The following TM7SF3 variants were observed in gnomAD, a reference collection of about 807,000 sequenced individuals.
TM7SF3 encodes the protein transmembrane 7 superfamily member 3.
Under a neutral mutation model 65.5 loss-of-function variants are expected in TM7SF3, and 60 were observed. The observed-to-expected ratio is 0.92, with a 90% CI of 0.74 to 1.14. The LOEUF is 1.14. Ranked by LOEUF, TM7SF3 falls within the 50% of genes most tolerant of loss-of-function variation. The pLI is 0.00. For missense variants in TM7SF3, 623 were observed against 684.8 expected, an observed-to-expected ratio of 0.91 and a Z score of 1.01; for synonymous variants, 264 against 259.6, an observed-to-expected ratio of 1.02 and a Z score of -0.16.
At chr12:27,001,885 G>A (rs1272386357) in intron 2 of TM7SF3, among the ~76,000 whole-genome samples, 2 of 152,298 alleles carry the variant, frequency 1.3e-5, no homozygotes, top group East Asian at 3.9e-4. Flanking sequence ...AATTTAACAT[G>A]CTTTACCTTC....
intron 6 of TM7SF3, among the ~76,000 whole-genome samples, chr12:26,986,822 C>T (rs964539107): frequency 6.6e-6 from 1 of 152,212 alleles, no homozygotes; most frequent in Non-Finnish European, 1.5e-5. Context: ...CAATGGCCTC[C>T]ATGTTGCTAA....
At chr12:26,977,952 C>T in intron 9 of TM7SF3, 1 of 257,136 alleles carries the variant, frequency 3.9e-6, no homozygotes, top group Non-Finnish European at 8.0e-6. Context: ...AAAAGCTTAC[C>T]AGGCATGGCA....
chr12:26,979,301 A>G (rs1459748714), intron 9 of TM7SF3: 1 of 152,782 alleles, frequency 6.5e-6, no homozygotes, highest in East Asian at 1.9e-4. Context: ...TTAAAAACTG[A>G]TAGCAATTGA....
intron 1 of TM7SF3, among the ~76,000 whole-genome samples, chr12:27,007,062 C>CT (rs1307574004): frequency 2.0e-5 from 3 of 152,156 alleles, no homozygotes; most frequent in Admixed American, 6.5e-5. Context: ...TTGTTCTAGT[C>CT]TAAGATATCC....
chr12:27,014,273 G>A lies in TM7SF3; in HGVS notation c.-105C>T. On this transcript the variant is annotated 5_prime_UTR_variant, in exon 1 of 12. Transcript: ENST00000343028. ...CACGCTATCCCGGGGCGCCCGCATC[G>A]GGCGCCATCGCCCGCCAGGTGCAGA... is the stretch of plus-strand genomic sequence containing the variant. 1.9e-6 allele frequency: 2 copies of A among 1,042,306 alleles called. No individual in the cohort carries two copies. Among genetic ancestry groups the A allele is most frequent in the South Asian group, 1.9e-5 (1 of 53,622 alleles). 64.6% of individuals were successfully genotyped at this position (1,042,306 alleles called of 1,614,324 possible). A position where few individuals can be genotyped will look rare whatever the true frequency, so the allele number is the denominator to read the frequency against.
At chr12:26,998,670 C>T (rs1350042598) in intron 3 of TM7SF3, among the ~76,000 whole-genome samples, 1 of 152,200 alleles carries the variant, frequency 6.6e-6, no homozygotes, top group African/African-American at 2.4e-5. Flanking sequence ...CCTCTCATGG[C>T]CTCTGTTCAG....
rs1939663766 is a variant in TM7SF3, at chr12:26,978,413, GAGCCAGAATGC to G, written c.1189+1360_1189+1370del. ...TAAGCTAGAAAGGGAACTAGTGACA[GAGCCAGAATGC>G]ATATAGAAGGTTTTTTCCTGACTTT... On this transcript the variant is annotated intron_variant, in intron 9 of 11. Coordinates refer to ENST00000343028, the MANE Select transcript of TM7SF3 (RefSeq NM_016551.3). 5.2e-5 allele frequency: 8 copies of G among 152,720 alleles called. No individual in the cohort carries two copies. The South Asian group carries it at 1.6e-3, about 31-fold the overall frequency. 9.5% of individuals were successfully genotyped at this position (152,720 alleles called of 1,614,324 possible).
intron 4 of TM7SF3, among the ~76,000 whole-genome samples, chr12:26,996,438 C>A (rs888407408): frequency 6.6e-6 from 1 of 152,164 alleles, no homozygotes; most frequent in South Asian, 2.1e-4. Flanking sequence ...AAGGATGTTT[C>A]AGGGCTACTG....
At chr12:26,975,805 C>T (rs566446317) in intron 10 of TM7SF3, 147 bp from the exon 11 acceptor site, 2 of 783,172 alleles carry the variant, frequency 2.6e-6, no homozygotes, top group East Asian at 2.7e-5. Flanking sequence ...ACAGAAGTTC[C>T]CTGGAAAGAT....
rs1441952408 is a variant in TM7SF3 at position 26,972,233 on chromosome 12, C to T, written c.*1732G>A. On this transcript the variant is annotated 3_prime_UTR_variant, in exon 12 of 12. Coordinates refer to ENST00000343028, the MANE Select transcript of TM7SF3 (RefSeq NM_016551.3). ...TCTCCAAGGTCCTAATGAAAAGCAG[C>T]TCCTCTAAACACCTGAATCCTTTTT... 2 of 152,168 alleles carry T rather than the reference C, an allele frequency of 1.3e-5. No individual in the cohort carries two copies. The highest frequency in any genetic ancestry group is 4.8e-5 in the African/African-American group (2 of 41,440). 9.4% of individuals were successfully genotyped at this position (152,168 alleles called of 1,614,324 possible).
chr12:26,978,047 G>A (rs1350206486), intron 9 of TM7SF3: 5 of 449,234 alleles, frequency 1.1e-5, no homozygotes, highest in South Asian at 6.3e-5. Flanking sequence ...AGTGAGCTAT[G>A]ATAGTGTCAC....
At chr12:26,998,546 G>C (rs1353720579) in intron 3 of TM7SF3, among the ~76,000 whole-genome samples, 2 of 152,040 alleles carry the variant, frequency 1.3e-5, no homozygotes, top group East Asian at 3.9e-4. Flanking sequence ...CTATTTCCCT[G>C]CTGCCCAAAT....
intron 1 of TM7SF3, among the ~76,000 whole-genome samples, chr12:27,009,448 A>G (rs888333417): frequency 1.3e-5 from 2 of 151,876 alleles, no homozygotes; most frequent in African/African-American, 4.8e-5. Context: ...AAGAATGTTG[A>G]GATGTATTAT....
Position 26,975,586 on chromosome 12 carries a change from T to C in TM7SF3, c.1360A>G (p.Ser454Gly), listed in dbSNP as rs1195916540. The C allele has an allele frequency of 1.2e-6, 2 of 1,614,056 alleles. No individual in the cohort carries two copies. The highest frequency in any genetic ancestry group is 8.5e-7 in the Non-Finnish European group (1 of 1,180,006). The part of the protein sequence containing the change: ...VLAIDSYWST[S>G]LSYITLNVLK... ...ACGTTCAAAGTGATGTAGGAAAGGC[T>C]TGTGGACCAGTAACTGTCAATGGCT... is the stretch of plus-strand genomic sequence containing the variant. The change falls in exon 11 of 12, where the codon AGC becomes GGC. Residue 454 changes from serine (S) to glycine (G), a missense_variant. By Grantham distance (56) the Ser-to-Gly change is moderately conservative (BLOSUM62 0). Coordinates refer to ENST00000343028, the MANE Select transcript of TM7SF3 (RefSeq NM_016551.3).
At chr12:27,008,715 GTTCA>G (rs986685392) in intron 1 of TM7SF3, among the ~76,000 whole-genome samples, 2 of 152,116 alleles carry the variant, frequency 1.3e-5, no homozygotes, top group African/African-American at 2.4e-5. Flanking sequence ...AGAGGTCACA[GTTCA>G]TTGTTTCATA....
chr12:26,976,697 A>G (rs1053166572), intron 9 of TM7SF3, among the ~76,000 whole-genome samples: 1 of 152,198 alleles, frequency 6.6e-6, no homozygotes, highest in East Asian at 1.9e-4. Flanking sequence ...ACATTGAATT[A>G]TATCTCCAAG....
chr12:26,997,443 C>T (rs1940643709), intron 3 of TM7SF3, among the ~76,000 whole-genome samples: 1 of 152,180 alleles, frequency 6.6e-6, no homozygotes, highest in Non-Finnish European at 1.5e-5. Flanking sequence ...ATCTTTACCA[C>T]ACCACAAATG....
chr12:27,013,081 T>C (rs1362983988), intron 1 of TM7SF3: 1 of 169,670 alleles, frequency 5.9e-6, no homozygotes, highest in Non-Finnish European at 1.3e-5. Context: ...GCTTCTTGGC[T>C]CCCACAGGTG....
At chr12:27,001,099 T>A (rs1220916351) in intron 2 of TM7SF3, among the ~76,000 whole-genome samples, 2 of 151,756 alleles carry the variant, frequency 1.3e-5, no homozygotes, top group African/African-American at 4.8e-5. Context: ...CCAATTGCCA[T>A]CACGACTCAA....
Sources: gnomAD v4.1 joint callset for allele counts (sites outside exome capture counted in the v4.1 genomes callset) on GRCh38, gnomAD v4.1.1 for gene constraint, MANE v1.5 for transcripts, NCBI Gene and HGNC (gene_info 2026-07-23, HGNC 2026-07-21) for gene names.